The following NRG1 variants were observed in gnomAD, a reference collection of about 807,000 sequenced individuals.
NRG1 encodes pro-neuregulin-1, membrane-bound isoform.
In NRG1, 18 loss-of-function variants were observed where a neutral mutation model predicts 63.8. The observed-to-expected ratio is 0.28, with a 90% CI of 0.19 to 0.42. The LOEUF (loss-of-function observed/expected upper bound fraction) is 0.42. NRG1 is among the 10% of genes least tolerant of loss of function. The pLI, the probability that NRG1 is intolerant of heterozygous loss-of-function variation, is 1.00. For synonymous variants in NRG1, 302 were observed against 301.3 expected, an observed-to-expected ratio of 1.00 and a Z score of -0.02; for missense variants, 762 against 814.7, an observed-to-expected ratio of 0.94 and a Z score of 0.79.
rs67120632 is a variant in NRG1 at position 32,756,368 on chromosome 8, CA to C, written c.795-26del. On this transcript the variant is annotated intron_variant, in intron 8 of 11. Coordinates refer to ENST00000356819, the Ensembl canonical transcript of NRG1. ...GGCTCTACTATGAAATGAAAATAAT[CA>C]AAAAAAAATAAATGCTCCCTTTCTT... 0.011 allele frequency: 17,298 copies of C among 1,570,332 alleles called. 1,660 individuals are homozygous for C. In the African/African-American group the frequency reaches 0.21, roughly 19 times the overall value.
intron 1 of NRG1, among the ~76,000 whole-genome samples, chr8:32,272,447 C>T (rs536645409): frequency 9.9e-5 from 15 of 152,232 alleles, no homozygotes; most frequent in Admixed American, 4.6e-4. Flanking sequence ...GGTAGAAGGG[C>T]GGGAGGTGGA....
rs58182051 is a variant in NRG1 at position 32,480,490 on chromosome 8, C to CAA, written c.38-115331_38-115330dup. ...CACCACAGAAAAACAAAAACAAAAA[C>CAA]AAAAAAAACAAAAAAAACGAGGCAA... On this transcript the variant is annotated intron_variant, in intron 1 of 10. Transcript: ENST00000519301. Among the ~76,000 whole-genome samples the CAA allele has an allele frequency of 2.4e-3, 359 of 149,180 alleles. 1 individual carries two copies. The highest frequency in any genetic ancestry group is 3.3e-3 in the African/African-American group (135 of 40,532).
At chr8:32,066,546 T>G (rs1824852000) in intron 1 of NRG1, among the ~76,000 whole-genome samples, 1 of 152,140 alleles carries the variant, frequency 6.6e-6, no homozygotes, top group Non-Finnish European at 1.5e-5. Flanking sequence ...CATTGGTCTA[T>G]ATCTCTGTTT....
chr8:31,995,546 T>A (rs1811828912), intron 1 of NRG1, among the ~76,000 whole-genome samples: 1 of 151,984 alleles, frequency 6.6e-6, no homozygotes, highest in Non-Finnish European at 1.5e-5. Context: ...CTTCTTCACT[T>A]ACTTTATAGG....
intron 1 of NRG1, among the ~76,000 whole-genome samples, chr8:32,074,220 C>T (rs1217145732): frequency 6.6e-6 from 1 of 152,172 alleles, no homozygotes; most frequent in Non-Finnish European, 1.5e-5. Flanking sequence ...AATGAAGACA[C>T]TTCTGCATCT....
intron 1 of NRG1, among the ~76,000 whole-genome samples, chr8:32,389,273 A>C (rs1811415473): frequency 6.6e-6 from 1 of 152,186 alleles, no homozygotes; most frequent in Non-Finnish European, 1.5e-5. Flanking sequence ...TTTGCTTATA[A>C]TCTTGTCCTA....
chr8:31,967,071 A>G (rs1228933760), intron 1 of NRG1, among the ~76,000 whole-genome samples: 1 of 152,158 alleles, frequency 6.6e-6, no homozygotes, highest in African/African-American at 2.4e-5. Flanking sequence ...GTGCTACCTG[A>G]TGAGTTAAAG....
At chr8:32,111,244 G>A (rs1005751057) in intron 1 of NRG1, among the ~76,000 whole-genome samples, 7 of 152,068 alleles carry the variant, frequency 4.6e-5, no homozygotes, top group African/African-American at 1.7e-4. Flanking sequence ...AGCTTCCAGA[G>A]TTGCTGGGAT....
At chr8:32,268,576 T>A (rs1422222324) in intron 1 of NRG1, among the ~76,000 whole-genome samples, 1 of 152,186 alleles carries the variant, frequency 6.6e-6, no homozygotes, top group Non-Finnish European at 1.5e-5. Context: ...CATGTGTGTG[T>A]GTGTCCATGT....
chr8:32,668,615 A>G (rs1804839324), intron 5 of NRG1, among the ~76,000 whole-genome samples: 1 of 152,134 alleles, frequency 6.6e-6, no homozygotes, highest in Admixed American at 6.5e-5. Flanking sequence ...TCCTGGTCAT[A>G]TTTTAGCATA....
chr8:32,105,947 TC>T (rs1426761032), intron 1 of NRG1, among the ~76,000 whole-genome samples: 1 of 151,928 alleles, frequency 6.6e-6, no homozygotes, highest in Non-Finnish European at 1.5e-5. Flanking sequence ...CAGTGGAAAT[TC>T]ATCTGGAAAC....
intron 1 of NRG1, among the ~76,000 whole-genome samples, chr8:32,586,271 A>C (rs866569698): frequency 1.3e-5 from 2 of 151,348 alleles, no homozygotes; most frequent in African/African-American, 4.8e-5. Flanking sequence ...ACTTCATCTC[A>C]TAGGCTTTGG....
intron 1 of NRG1, among the ~76,000 whole-genome samples, chr8:32,015,756 T>C (rs541062691): frequency 9.8e-5 from 15 of 152,288 alleles, no homozygotes; most frequent in African/African-American, 3.6e-4. Flanking sequence ...CTAGTTTTCA[T>C]GTAAGTCCTT....
At chr8:32,311,196 T>C (rs1292908813) in intron 1 of NRG1, among the ~76,000 whole-genome samples, 7 of 152,194 alleles carry the variant, frequency 4.6e-5, no homozygotes, top group Non-Finnish European at 8.8e-5. Flanking sequence ...GGCACTGTTT[T>C]AGGGACTGAA....
chr8:31,712,704 T>A, intron 1 of NRG1, among the ~76,000 whole-genome samples: 1 of 152,224 alleles, frequency 6.6e-6, no homozygotes. Context: ...TGCTCTTTTT[T>A]TTCTTATAGT....
intron 1 of NRG1, among the ~76,000 whole-genome samples, chr8:31,777,435 A>G (rs1819255217): frequency 6.6e-6 from 1 of 152,220 alleles, no homozygotes; most frequent in South Asian, 2.1e-4. Context: ...AGAGTTGGGC[A>G]TGCGTGGGGC....
At chr8:32,713,678 C>T (rs1187876260) in intron 5 of NRG1, among the ~76,000 whole-genome samples, 1 of 146,632 alleles carries the variant, frequency 6.8e-6, no homozygotes, top group Non-Finnish European at 1.5e-5. Flanking sequence ...TTTGCCCATG[C>T]CTAGTTCCAA....
At chr8:32,351,646 A>G (rs867524127) in intron 1 of NRG1, among the ~76,000 whole-genome samples, 48 of 152,082 alleles carry the variant, frequency 3.2e-4, no homozygotes, top group African/African-American at 1.1e-3. Flanking sequence ...AGGGGTCCCC[A>G]CTCCTAGTCC....
intron 1 of NRG1, among the ~76,000 whole-genome samples, chr8:32,492,123 A>T (rs868472222): frequency 2.0e-5 from 3 of 152,194 alleles, no homozygotes; most frequent in Non-Finnish European, 2.9e-5. Flanking sequence ...CATTAAGAAA[A>T]AAAGAAAAAA....
Sources: gnomAD v4.1 joint callset for allele counts (sites outside exome capture counted in the v4.1 genomes callset) on GRCh38, gnomAD v4.1.1 for gene constraint, MANE v1.5 for transcripts, NCBI Gene and HGNC (gene_info 2026-07-23, HGNC 2026-07-21) for gene names.